The following BANP variants were observed in gnomAD, a reference collection of about 807,000 sequenced individuals.
The protein encoded by BANP is BTG3 associated nuclear protein.
In BANP, 11 loss-of-function variants were observed where a neutral mutation model predicts 68.1. The observed-to-expected ratio is 0.16, with a 90% confidence interval of 0.10 to 0.27. The LOEUF is 0.27. Ranked by LOEUF, BANP falls within the 10% of genes least tolerant of loss-of-function variation. The pLI is 1.00. For synonymous variants in BANP, 329 were observed against 303.2 expected (o/e 1.09, Z -0.88); for missense variants, 504 against 722.7 (o/e 0.70, Z 3.47).
At chr16:88,025,369 G>A (rs1444078767) in intron 7 of BANP, among the ~76,000 whole-genome samples, 1 of 152,218 alleles carries the variant, frequency 6.6e-6, no homozygotes, top group African/African-American at 2.4e-5. Flanking sequence ...AAGTTGCTCA[G>A]CCTGGGGCTT....
intron 1 of BANP, among the ~76,000 whole-genome samples, chr16:87,961,410 C>CCCCCA (rs961284180): frequency 4.3e-5 from 6 of 140,422 alleles, no homozygotes; most frequent in South Asian, 2.2e-4. Context: ...AGAATCTGCA[C>CCCCCA]CCCCCCGGGC....
chr16:88,073,943 C>A lies in BANP; in HGVS notation c.1521+1731C>A, dbSNP rs371747885. On this transcript the variant is annotated intron_variant, in intron 13 of 13. Transcript: ENST00000682872. ...GATCCATCGTAACAGCCAAGGAAGA[C>A]GGCGTGCTTAAGGGGCCGCTTTCCC... Among the ~76,000 whole-genome samples, 3 of 152,236 alleles carry A rather than the reference C, an allele frequency of 2.0e-5. No individual in the cohort carries two copies. The East Asian group carries it at 5.8e-4, about 29-fold the overall frequency.
chr16:87,972,795 T>A (rs1165210904), intron 1 of BANP, among the ~76,000 whole-genome samples: 15 of 152,220 alleles, frequency 9.9e-5, no homozygotes, highest in Non-Finnish European at 1.6e-4. Context: ...CATTTTGTGT[T>A]CAGTTCCAAG....
chr16:88,038,070 CAG>C (rs1037007077), intron 11 of BANP, 59 bp downstream of exon 11: 34 of 1,532,298 alleles, frequency 2.2e-5, no homozygotes, highest in African/African-American at 2.8e-5. Context: ...ATGGGGTTCT[CAG>C]GGGAGGGGGT....
intron 6 of BANP, among the ~76,000 whole-genome samples, chr16:88,008,509 G>T (rs1598389510): frequency 6.6e-6 from 1 of 152,162 alleles, no homozygotes; most frequent in South Asian, 2.1e-4. Flanking sequence ...ATGTTTGTTT[G>T]ATTGAAACTG....
intron 2 of BANP, 76 bp downstream of exon 2, chr16:87,975,261 T>C: frequency 6.8e-7 from 1 of 1,462,454 alleles, no homozygotes; most frequent in South Asian, 1.2e-5. Context: ...CCAGTTATTT[T>C]CTTTCCTTTA....
chr16:88,018,722 C>T lies in BANP; in HGVS notation c.895+55C>T, dbSNP rs1396398963. On this transcript the variant is annotated intron_variant, in intron 7 of 13. Coordinates refer to ENST00000682872, the MANE Select transcript of BANP (RefSeq NM_001386991.1). This position sits in a 1 kb window ranked among gnomAD's most constrained non-coding sequence, Gnocchi z 7.7. ...GGTGTGCGGGGAGCTGGGTCAGGAC[C>T]CACATTTCAATGCTGAGGACGCTGG... 3 of 1,519,994 alleles carry T rather than the reference C, an allele frequency of 2.0e-6. No homozygotes were observed. The highest frequency in any genetic ancestry group is 2.8e-5 in the African/African-American group (2 of 72,398). 94.2% of individuals were successfully genotyped at this position (1,519,994 alleles called of 1,614,324 possible). A position where few individuals can be genotyped will look rare whatever the true frequency, so the allele number is the denominator to read the frequency against.
At chr16:88,024,651 C>T (rs765641697) in intron 7 of BANP, among the ~76,000 whole-genome samples, 14 of 152,238 alleles carry the variant, frequency 9.2e-5, no homozygotes, top group Non-Finnish European at 2.1e-4. Flanking sequence ...GATCCTCGCC[C>T]TCCTCACCCA....
chr16:88,051,117 G>A (rs1325902249), intron 11 of BANP, among the ~76,000 whole-genome samples: 2 of 152,226 alleles, frequency 1.3e-5, no homozygotes, highest in East Asian at 1.9e-4. Flanking sequence ...GCTGTTGACC[G>A]CAGCACCCGG....
chr16:88,006,673 G>C (rs1279027024), intron 6 of BANP, among the ~76,000 whole-genome samples: 1 of 150,826 alleles, frequency 6.6e-6, no homozygotes, highest in Non-Finnish European at 1.5e-5. Context: ...TACAGTATAG[G>C]ACAGGCTCAG....
chr16:87,984,017 G>A, intron 3 of BANP, 43 bp from the exon 4 acceptor site: 7 of 1,601,048 alleles, frequency 4.4e-6, no homozygotes, highest in Non-Finnish European at 6.0e-6. Flanking sequence ...TCTTCTTACA[G>A]TTCAGGAGAC....
chr16:88,073,443 C>T lies in BANP; in HGVS notation c.1521+1231C>T, dbSNP rs117710067. Among the ~76,000 whole-genome samples, 21 of 152,306 alleles carry T rather than the reference C, an allele frequency of 1.4e-4. No homozygotes were observed. The East Asian group carries it at 3.7e-3, about 27-fold the overall frequency. ...ATGGGCGCGGTGGCCCCCGCAGAGG[C>T]GCGCCCTGTACTCTGCGTGGTGTTT... On this transcript the variant is annotated intron_variant, in intron 13 of 13. Transcript: ENST00000682872.
chr16:88,051,774 C>T (rs2083314613), intron 11 of BANP, among the ~76,000 whole-genome samples: 2 of 152,192 alleles, frequency 1.3e-5, no homozygotes, highest in African/African-American at 4.8e-5. Context: ...ATGATAAGTA[C>T]ATTTTTATAA....
At chr16:88,038,550 ACT>A (rs759535831) in intron 11 of BANP, among the ~76,000 whole-genome samples, 3 of 151,240 alleles carry the variant, frequency 2.0e-5, no homozygotes, top group Non-Finnish European at 4.4e-5. Context: ...TGCACAGATA[ACT>A]CTGTTAGAAA....
chr16:88,021,249 A>G (rs1197532802), intron 7 of BANP, among the ~76,000 whole-genome samples: 1 of 152,132 alleles, frequency 6.6e-6, no homozygotes, highest in Non-Finnish European at 1.5e-5. Flanking sequence ...CGGCCTCCCC[A>G]GGCTCTGAGC....
chr16:87,970,740 C>G (rs1007864175), intron 1 of BANP, among the ~76,000 whole-genome samples: 1 of 152,148 alleles, frequency 6.6e-6, no homozygotes, highest in African/African-American at 2.4e-5. Context: ...ACTCTACCGG[C>G]CGGGCGCGGT....
upstream of BANP, among the ~76,000 whole-genome samples, chr16:87,949,956 C>T (rs895615246): frequency 7.9e-5 from 12 of 151,532 alleles, no homozygotes; most frequent in African/African-American, 2.7e-4. Flanking sequence ...CGGCTCACTG[C>T]AAGCTCCGCC....
chr16:87,977,914 C>T (rs895788443), intron 2 of BANP, among the ~76,000 whole-genome samples: 14 of 152,204 alleles, frequency 9.2e-5, no homozygotes, highest in African/African-American at 3.4e-4. Flanking sequence ...CAGCTCACTG[C>T]AACCTTTGTC....
chr16:87,990,989 C>T (rs2065764368), intron 4 of BANP, among the ~76,000 whole-genome samples: 1 of 152,208 alleles, frequency 6.6e-6, no homozygotes, highest in South Asian at 2.1e-4. Flanking sequence ...GTCTCGATCT[C>T]CTGACCTCAT....
Sources: allele counts gnomAD v4.1 joint callset (sites outside exome capture counted in the v4.1 genomes callset), GRCh38; gene constraint gnomAD v4.1.1; non-coding constraint Gnocchi (gnomAD v3.1); transcripts MANE v1.5; gene names NCBI Gene and HGNC (gene_info 2026-07-23, HGNC 2026-07-21).